FOXP4: variants seen among roughly 807,000 people sequenced by gnomAD.
FOXP4 encodes forkhead box protein P4.
FOXP4 carries 25 observed loss-of-function variants against 82.6 expected under a neutral mutation model. The ratio of observed to expected loss-of-function variants is 0.30; its 90% CI spans 0.22 to 0.42. FOXP4 has a LOEUF of 0.42. FOXP4 is among the 10% of genes least tolerant of loss of function. The probability of loss-of-function intolerance (pLI) is 1.00; values close to 1 mark genes in which losing one functional copy is unlikely to be tolerated. For synonymous variants in FOXP4, 415 were observed against 388.2 expected (o/e 1.07, Z -0.81); for missense variants, 785 against 900.9 (o/e 0.87, Z 1.65).
chr6:41,551,384 G>A (rs568284266), intron 1 of FOXP4, among the ~76,000 whole-genome samples: 9 of 152,092 alleles, frequency 5.9e-5, no homozygotes, highest in East Asian at 1.9e-4. Flanking sequence ...GTCTTTTCCC[G>A]GCTGTCCCTC....
chr6:41,560,022 T>C (rs1291672757), intron 1 of FOXP4, among the ~76,000 whole-genome samples: 1 of 152,258 alleles, frequency 6.6e-6, no homozygotes, highest in Non-Finnish European at 1.5e-5. Context: ...TCTTACCTCT[T>C]ATTGCAATCT....
chr6:41,578,407 A>C (rs1022106363), intron 3 of FOXP4, among the ~76,000 whole-genome samples: 1 of 151,262 alleles, frequency 6.6e-6, no homozygotes, highest in African/African-American at 2.4e-5. Flanking sequence ...TCTCTTGGTC[A>C]CTTCTCATGT....
intron 5 of FOXP4, among the ~76,000 whole-genome samples, chr6:41,586,751 C>T (rs969098464): frequency 6.6e-6 from 1 of 152,248 alleles, no homozygotes; most frequent in African/African-American, 2.4e-5. Context: ...GGAGGGAGGG[C>T]GTCGTGCTGC....
intron 5 of FOXP4, among the ~76,000 whole-genome samples, chr6:41,586,681 C>T (rs1156625267): frequency 1.3e-5 from 2 of 152,208 alleles, no homozygotes; most frequent in African/African-American, 4.8e-5. Context: ...TGATGAGGCA[C>T]CCCCAGGCGT....
intron 5 of FOXP4, 133 bp downstream of exon 5, chr6:41,585,650 G>T: frequency 2.6e-6 from 2 of 783,716 alleles, no homozygotes; most frequent in Non-Finnish European, 2.0e-6. Context: ...GGGGACCAAG[G>T]ATCAGTGTGG....
At chr6:41,577,263 C>T (rs538366089) in intron 2 of FOXP4, among the ~76,000 whole-genome samples, 32 of 152,294 alleles carry the variant, frequency 2.1e-4, no homozygotes, top group Admixed American at 1.6e-3. Context: ...CCTTTCAGAA[C>T]TTAATCTAAT....
intron 1 of FOXP4, among the ~76,000 whole-genome samples, chr6:41,559,854 C>T (rs1764467942): frequency 6.6e-6 from 1 of 152,188 alleles, no homozygotes; most frequent in Non-Finnish European, 1.5e-5. Context: ...AGGCCCACTC[C>T]AGACCTGTTG....
intron 1 of FOXP4, among the ~76,000 whole-genome samples, chr6:41,562,940 C>T (rs186816008): frequency 1.3e-5 from 2 of 152,138 alleles, no homozygotes; most frequent in Non-Finnish European, 2.9e-5. Context: ...ATGGTGCCCA[C>T]CCCATCCATC....
chr6:41,579,059 C>T (rs1455600744), intron 3 of FOXP4, among the ~76,000 whole-genome samples: 3 of 152,078 alleles, frequency 2.0e-5, no homozygotes, highest in African/African-American at 7.2e-5. Flanking sequence ...GACCCAGGAC[C>T]AGGCTTTGTC....
chr6:41,589,859 G>A lies in FOXP4; in HGVS notation c.1149+5G>A, dbSNP rs1218360196. On this transcript the variant is annotated splice_donor_5th_base_variant and intron_variant, in intron 10 of 16. Coordinates refer to ENST00000307972, the MANE Select transcript of FOXP4 (RefSeq NM_001012426.2). ...CCCAAGCCCTTCAGCCAGCCAGTGA[G>A]TGCTGCTCCCCTCCCCGCCCCTCCC... 1 of 1,610,970 alleles carries A rather than the reference G, an allele frequency of 6.2e-7. No homozygotes were observed. The highest frequency in any genetic ancestry group is 1.7e-5 in the Admixed American group (1 of 59,978).
At chr6:41,581,428 G>A (rs1462759953) in intron 3 of FOXP4, among the ~76,000 whole-genome samples, 1 of 152,208 alleles carries the variant, frequency 6.6e-6, no homozygotes, top group Admixed American at 6.5e-5. Context: ...GGGAGGGGCT[G>A]GAGGCAGCTG....
At chr6:41,582,329 G>A (rs950727546) in intron 3 of FOXP4, among the ~76,000 whole-genome samples, 9 of 152,200 alleles carry the variant, frequency 5.9e-5, no homozygotes, top group South Asian at 2.1e-4. Context: ...TGAGATACAC[G>A]TGTAAAGGGC....
In FOXP4 at chr6:41,593,137, A is replaced by G. The variant is rs1766612297; in HGVS notation, c.1537-1733A>G. 6.6e-6 allele frequency among the ~76,000 whole-genome samples: 1 copy of G among 151,366 alleles called. No individual in the cohort carries two copies. The highest frequency in any genetic ancestry group is 6.6e-5 in the Admixed American group (1 of 15,234). ...CAAATGCATTCATGTTACTTGGGAA[A>G]TACACCATCTACACCCAACTCTGCT... On this transcript the variant is annotated intron_variant, in intron 13 of 16. Transcript: ENST00000307972. This position sits in a 1 kb window ranked among gnomAD's most constrained non-coding sequence, Gnocchi z 4.1.
intron 3 of FOXP4, among the ~76,000 whole-genome samples, chr6:41,578,857 C>T (rs923450988): frequency 1.3e-5 from 2 of 152,040 alleles, no homozygotes; most frequent in African/African-American, 2.4e-5. Flanking sequence ...GATCCATGCT[C>T]CCCCCACCCC....
chr6:41,577,934 TG>T, intron 2 of FOXP4, 51 bp from the exon 3 acceptor site: 1 of 1,419,170 alleles, frequency 7.0e-7, no homozygotes. Flanking sequence ...CCCTAATCCC[TG>T]GATCCCACCC....
rs1408602907 is a variant in FOXP4 at position 41,600,066 on chromosome 6, T to A, written c.*1130T>A. On this transcript the variant is annotated 3_prime_UTR_variant, in exon 17 of 17. Coordinates refer to ENST00000307972, the MANE Select transcript of FOXP4 (RefSeq NM_001012426.2). ...CCCTCCCTCCACTTAAGTTATTGTTTTAAACCAAAGTTTACAGTGTCTGTT... is the reference window on the plus strand; with the variant it reads ...CCCTCCCTCCACTTAAGTTATTGTTATAAACCAAAGTTTACAGTGTCTGTT... 2.0e-5 allele frequency: 3 copies of A among 152,748 alleles called. No individual in the cohort carries two copies. Among genetic ancestry groups the A allele is most frequent in the African/African-American group, 7.2e-5 (3 of 41,458 alleles). 9.5% of individuals were successfully genotyped at this position (152,748 alleles called of 1,614,324 possible). A position where few individuals can be genotyped will look rare whatever the true frequency, so the allele number is the denominator to read the frequency against.
intron 1 of FOXP4, among the ~76,000 whole-genome samples, chr6:41,554,721 G>A (rs925749856): frequency 3.9e-5 from 6 of 152,248 alleles, no homozygotes; most frequent in East Asian, 1.9e-4. Context: ...TTAGCCGGGC[G>A]TGGTGGCAGG....
At chr6:41,556,613 C>T (rs778939532) in intron 1 of FOXP4, among the ~76,000 whole-genome samples, 19 of 152,114 alleles carry the variant, frequency 1.2e-4, no homozygotes, top group African/African-American at 4.6e-4. Flanking sequence ...TGTGAGCCAC[C>T]GCGCCCGGCA....
Position 41,597,910 on chromosome 6 carries a change from G to A in FOXP4, c.1855G>A (p.Gly619Ser), listed in dbSNP as rs964209005. ...CCCCGTGGAGCCGCTGCCCAGCAAC[G>A]GCAGCAGCAGCCCTCCTCGCCTCTC... ...GAPVEPLPSN[G>S]SSSPPRLSPP... The change falls in exon 16 of 17, where the codon GGC becomes AGC. Residue 619 changes from glycine to serine, a missense_variant. By Grantham distance (56) the Gly-to-Ser change is moderately conservative (BLOSUM62 0). This residue lies in a region of FOXP4 where 184 missense variants were observed against 187.3 expected (regional missense o/e 0.98). Transcript: ENST00000307972. The A allele has an allele frequency of 1.3e-5, 20 of 1,580,974 alleles. No homozygotes were observed. Among genetic ancestry groups the A allele is most frequent in the South Asian group, 6.8e-5 (6 of 87,688 alleles).
Sources: gnomAD v4.1 joint callset for allele counts (sites outside exome capture counted in the v4.1 genomes callset) on GRCh38, gnomAD v4.1.1 for gene constraint, gnomAD v4.1.1 regional missense constraint, Gnocchi (gnomAD v3.1) non-coding constraint, MANE v1.5 for transcripts, NCBI Gene and HGNC (gene_info 2026-07-23, HGNC 2026-07-21) for gene names.